RALGPS2: variants seen among roughly 807,000 people sequenced by gnomAD.
The protein encoded by RALGPS2 is ras-specific guanine nucleotide-releasing factor RalGPS2.
In RALGPS2, 43 loss-of-function variants were observed where a neutral mutation model predicts 86.8. That is an observed-to-expected ratio of 0.50 (90% CI 0.39 to 0.64). RALGPS2 has a LOEUF of 0.64. Among genes scored for constraint, RALGPS2 ranks in the 30% least tolerant of loss-of-function variants. RALGPS2 has a pLI of 0.00. For missense variants in RALGPS2, 536 were observed against 694.6 expected, an observed-to-expected ratio of 0.77 and a Z score of 2.57; for synonymous variants, 243 against 231.3, an observed-to-expected ratio of 1.05 and a Z score of -0.46.
At position 178,877,550 on chromosome 1, in the gene RALGPS2, C is replaced by T. The variant is rs1659055794; in HGVS notation, c.660C>T (p.Gly220=). ...TYIDSAYPST[G]SILENEQRSN... is the part of the protein sequence containing the mutation. Reference sequence around the variant, plus strand: ...TCGATTCAGCATACCCATCAACTGGCAGCATTCTAGAAAATGAGCAAAGAT... The same window carrying T: ...TCGATTCAGCATACCCATCAACTGGTAGCATTCTAGAAAATGAGCAAAGAT... Residue 220 remains glycine, a synonymous_variant, in exon 9 of 20, where the codon GGC becomes GGT. Transcript: ENST00000367635. 2.5e-6 allele frequency: 4 copies of T among 1,613,364 alleles called. No homozygotes were observed. The highest frequency in any genetic ancestry group is 2.5e-6 in the Non-Finnish European group (3 of 1,179,612).
intron 1 of RALGPS2, among the ~76,000 whole-genome samples, chr1:178,748,226 A>AGG (rs1651449475): frequency 6.6e-6 from 1 of 152,160 alleles, no homozygotes; most frequent in Non-Finnish European, 1.5e-5. Flanking sequence ...AGGCTGAGGC[A>AGG]AGATGATCCC....
chr1:178,767,717 G>A (rs1266048779), intron 1 of RALGPS2, among the ~76,000 whole-genome samples: 1 of 152,136 alleles, frequency 6.6e-6, no homozygotes, highest in Non-Finnish European at 1.5e-5. Context: ...GCCAGGAGTG[G>A]GTGGAGTTGA....
chr1:178,783,682 A>G (rs1257643378), intron 2 of RALGPS2, among the ~76,000 whole-genome samples: 2 of 152,126 alleles, frequency 1.3e-5, no homozygotes, highest in African/African-American at 4.8e-5. Context: ...ATATCCTACC[A>G]CCATTTAATA....
intron 10 of RALGPS2, among the ~76,000 whole-genome samples, chr1:178,881,396 C>T (rs780065296): frequency 6.6e-5 from 10 of 151,996 alleles, no homozygotes; most frequent in Non-Finnish European, 1.2e-4. Context: ...CTTTGCATGG[C>T]GAACGATGAG....
chr1:178,738,802 T>C (rs1287441396), intron 1 of RALGPS2, among the ~76,000 whole-genome samples: 1 of 152,234 alleles, frequency 6.6e-6, no homozygotes, highest in African/African-American at 2.4e-5. Flanking sequence ...TTTCTTTTAC[T>C]CTTTCTTTCA....
chr1:178,773,465 T>C (rs1652906361), intron 1 of RALGPS2, among the ~76,000 whole-genome samples: 1 of 152,226 alleles, frequency 6.6e-6, no homozygotes, highest in South Asian at 2.1e-4. Context: ...CTTTTCTGTG[T>C]GCAAAGTATA....
At chr1:178,798,122 A>G (rs1654295874) in intron 4 of RALGPS2, among the ~76,000 whole-genome samples, 1 of 152,138 alleles carries the variant, frequency 6.6e-6, no homozygotes, top group South Asian at 2.1e-4. Flanking sequence ...ATCCAAATGT[A>G]TTAAGAAAAG....
intron 4 of RALGPS2, among the ~76,000 whole-genome samples, chr1:178,799,084 A>G (rs544635231): frequency 2.0e-5 from 3 of 152,204 alleles, no homozygotes; most frequent in East Asian, 1.9e-4. Context: ...CTGTCACCCA[A>G]GCTAGAGTGC....
chr1:178,889,259 G>A (rs1360923777), intron 13 of RALGPS2, among the ~76,000 whole-genome samples: 1 of 151,938 alleles, frequency 6.6e-6, no homozygotes, highest in East Asian at 1.9e-4. Context: ...AGAGAAAGGA[G>A]TATGCCATGA....
At chr1:178,735,774 A>T (rs4652318) in intron 1 of RALGPS2, among the ~76,000 whole-genome samples, 1 of 151,836 alleles carries the variant, frequency 6.6e-6, no homozygotes, top group Non-Finnish European at 1.5e-5. Flanking sequence ...AAATAAGCAA[A>T]AAAATTATTG....
intron 19 of RALGPS2, among the ~76,000 whole-genome samples, chr1:178,914,958 C>A (rs1344749465): frequency 6.6e-6 from 1 of 151,116 alleles, no homozygotes; most frequent in Non-Finnish European, 1.5e-5. Flanking sequence ...CTTTTTTTTT[C>A]AATCTCAGAT....
At chr1:178,769,738 T>C (rs1031317521) in intron 1 of RALGPS2, among the ~76,000 whole-genome samples, 3 of 152,212 alleles carry the variant, frequency 2.0e-5, no homozygotes, top group Admixed American at 6.5e-5. Context: ...CTGTAGCAGC[T>C]CTCCCCACGC....
At chr1:178,864,699 C>G (rs190465813) in intron 8 of RALGPS2, among the ~76,000 whole-genome samples, 20 of 152,110 alleles carry the variant, frequency 1.3e-4, no homozygotes, top group African/African-American at 4.3e-4. Flanking sequence ...ATAGTAGCCC[C>G]TCGATCATAA....
At chr1:178,859,141 C>CTTTT (rs10623482) in intron 8 of RALGPS2, among the ~76,000 whole-genome samples, 5 of 151,530 alleles carry the variant, frequency 3.3e-5, no homozygotes, top group African/African-American at 9.7e-5. Context: ...GCAACCCAAA[C>CTTTT]TTTTAATTAT....
In RALGPS2 at chr1:178,897,653, G is replaced by A; in HGVS notation, c.1432-11G>A. ...ATTGTAATAGTATATTCCTGTGTTT[G>A]TCCTATCCAGGTAGCATCTTGGACA... On this transcript the variant is annotated splice_polypyrimidine_tract_variant and intron_variant, in intron 16 of 19. Coordinates refer to ENST00000367635, the MANE Select transcript of RALGPS2 (RefSeq NM_152663.5). 3 of 1,599,296 alleles carry A rather than the reference G, an allele frequency of 1.9e-6. No individual in the cohort carries two copies. Among genetic ancestry groups the A allele is most frequent in the Non-Finnish European group, 2.6e-6 (3 of 1,167,074 alleles).
chr1:178,796,420 A>C (rs1169766132), intron 4 of RALGPS2, among the ~76,000 whole-genome samples: 4 of 152,144 alleles, frequency 2.6e-5, no homozygotes, highest in Admixed American at 6.6e-5. Context: ...GCTAATGGAT[A>C]TGCCGTATTC....
chr1:178,793,181 G>T (rs935513698), intron 4 of RALGPS2, among the ~76,000 whole-genome samples: 6 of 152,074 alleles, frequency 3.9e-5, no homozygotes, highest in African/African-American at 1.4e-4. Context: ...TTTTGTTTCA[G>T]CTTTGCTATT....
chr1:178,852,775 A>G (rs767763090), intron 8 of RALGPS2: 1 of 1,613,948 alleles, frequency 6.2e-7, no homozygotes, highest in Admixed American at 1.7e-5. Context: ...GTAAGTTCCC[A>G]GGCGCAGTCT....
rs776591130 is a variant in RALGPS2, at chr1:178,885,218, A to G, written c.1040+7A>G. The G allele has an allele frequency of 3.1e-6, 5 of 1,600,048 alleles. No homozygotes were observed. The South Asian group carries it at 3.4e-5, about 11-fold the overall frequency. ...GCCATAGTTTGGGTTATAAGTCAGC[A>G]TTTTTAATTTTATCTTTCAAATTTT... On this transcript the variant is annotated splice_region_variant and intron_variant, in intron 12 of 19. Transcript: ENST00000367635.
Sources: gnomAD v4.1 joint callset for allele counts (sites outside exome capture counted in the v4.1 genomes callset) on GRCh38, gnomAD v4.1.1 for gene constraint, MANE v1.5 for transcripts, NCBI Gene and HGNC (gene_info 2026-07-23, HGNC 2026-07-21) for gene names.